Variants in CLNK observed in about 807,000 individuals in gnomAD.
The protein encoded by CLNK is cytokine dependent hematopoietic cell linker.
In CLNK, 74 loss-of-function variants were observed where a neutral mutation model predicts 68.6. The ratio of observed to expected loss-of-function variants is 1.08; its 90% confidence interval spans 0.89 to 1.31. The LOEUF (loss-of-function observed/expected upper bound fraction) is 1.31. CLNK is among the 50% of genes most tolerant of loss of function. CLNK has a pLI of 0.00. For synonymous variants in CLNK, 198 were observed against 172.2 expected (o/e 1.15, Z -1.17); for missense variants, 553 against 515.3 (o/e 1.07, Z -0.71).
chr4:10,684,361 G>A (rs111526083), intron 1 of CLNK, among the ~76,000 whole-genome samples: 19 of 152,266 alleles, frequency 1.2e-4, no homozygotes, highest in African/African-American at 4.1e-4. Context: ...CAGCCATGGG[G>A]CCTGGTCTTT....
chr4:10,543,993 C>T (rs1041422882), intron 8 of CLNK, among the ~76,000 whole-genome samples: 1 of 152,164 alleles, frequency 6.6e-6, no homozygotes, highest in African/African-American at 2.4e-5. Context: ...GCTTAAGGGA[C>T]AAAATTATAA....
At chr4:10,667,399 TA>T (rs1724441651) in intron 2 of CLNK, among the ~76,000 whole-genome samples, 2 of 141,004 alleles carry the variant, frequency 1.4e-5, no homozygotes, top group African/African-American at 5.1e-5. Flanking sequence ...TACTATACTA[TA>T]GACATCAGGG....
At chr4:10,502,247 T>C (rs542685782) in intron 17 of CLNK, among the ~76,000 whole-genome samples, 1 of 152,320 alleles carries the variant, frequency 6.6e-6, no homozygotes, top group South Asian at 2.1e-4. Context: ...AGGAAACTTA[T>C]AATCAGGCGG....
the CLNK span, among the ~76,000 whole-genome samples, chr4:10,692,882 C>T: frequency 6.6e-6 from 1 of 152,186 alleles, no homozygotes; most frequent in Non-Finnish European, 1.5e-5. Context: ...AACAGACTTC[C>T]CAATTTATGC....
chr4:10,494,451 T>G (rs1716720836), intron 18 of CLNK, among the ~76,000 whole-genome samples: 1 of 149,328 alleles, frequency 6.7e-6, no homozygotes, highest in African/African-American at 2.4e-5. Context: ...AGTCACACAG[T>G]ATTTCCTATT....
intron 12 of CLNK, among the ~76,000 whole-genome samples, chr4:10,529,263 G>A (rs1230176849): frequency 6.6e-6 from 1 of 151,960 alleles, no homozygotes; most frequent in Admixed American, 6.6e-5. Flanking sequence ...CTTTTTCTGG[G>A]GAGATAAAGG....
chr4:10,502,971 T>C (rs763114296), intron 17 of CLNK, among the ~76,000 whole-genome samples: 2 of 152,088 alleles, frequency 1.3e-5, no homozygotes, highest in Admixed American at 6.6e-5. Context: ...TAGAAATAAT[T>C]TGTACACTCC....
chr4:10,573,509 C>A (rs1302017212), intron 4 of CLNK, among the ~76,000 whole-genome samples: 1 of 152,116 alleles, frequency 6.6e-6, no homozygotes. Flanking sequence ...CGTTTTCCAG[C>A]CCTTTAGAGC....
intron 4 of CLNK, among the ~76,000 whole-genome samples, chr4:10,575,472 G>T (rs148515424): frequency 5.9e-4 from 90 of 152,344 alleles, no homozygotes; most frequent in African/African-American, 1.8e-3. Context: ...ATTAAAGAGC[G>T]CCTCTCCAGC....
intron 2 of CLNK, among the ~76,000 whole-genome samples, chr4:10,661,382 C>T (rs1360911841): frequency 1.3e-5 from 2 of 152,192 alleles, no homozygotes; most frequent in South Asian, 2.1e-4. Flanking sequence ...CAGTCATTCA[C>T]TCAGGTGATG....
chr4:10,555,520 A>G (rs1490891071), intron 8 of CLNK, among the ~76,000 whole-genome samples: 3 of 152,212 alleles, frequency 2.0e-5, no homozygotes, highest in South Asian at 2.1e-4. Flanking sequence ...ACTTTTACCT[A>G]TTTTTAGGAA....
At chr4:10,665,065 A>C (rs1316988386) in intron 2 of CLNK, among the ~76,000 whole-genome samples, 1 of 152,236 alleles carries the variant, frequency 6.6e-6, no homozygotes, top group Non-Finnish European at 1.5e-5. Context: ...TCTTCAAGGC[A>C]GGTTCCTAAT....
Position 10,490,150 on chromosome 4 carries a change from G to A in CLNK, c.*317C>T, listed in dbSNP as rs981367337. ...GCCCTTTGCTGCTCGCCTGTATCAT[G>A]AGCATAATGGCTATGTTTATAGTAT... is the stretch of plus-strand genomic sequence containing the variant. On this transcript the variant is annotated 3_prime_UTR_variant, in exon 19 of 19. Coordinates refer to ENST00000226951, the MANE Select transcript of CLNK (RefSeq NM_052964.4). The A allele has an allele frequency of 2.9e-5, 7 of 240,718 alleles. No homozygotes were observed. The East Asian group carries it at 3.1e-4, about 11-fold the overall frequency. 14.9% of individuals were successfully genotyped at this position (240,718 alleles called of 1,614,324 possible). A position where few individuals can be genotyped will look rare whatever the true frequency, so the allele number is the denominator to read the frequency against.
Position 10,489,876 on chromosome 4 carries a change from C to T in CLNK, c.*591G>A, listed in dbSNP as rs971645450. 1 of 152,186 alleles carries T rather than the reference C, an allele frequency of 6.6e-6. No individual in the cohort carries two copies. Among genetic ancestry groups the T allele is most frequent in the African/African-American group, 2.4e-5 (1 of 41,366 alleles). 9.4% of individuals were successfully genotyped at this position (152,186 alleles called of 1,614,324 possible). ...AGACATGGGGTTTCACCATGTTAGC[C>T]AGGATGGTCTTGATCTCCTGACCTC... is the stretch of plus-strand genomic sequence containing the variant. On this transcript the variant is annotated 3_prime_UTR_variant, in exon 19 of 19. Transcript: ENST00000226951.
At chr4:10,706,757 C>G in the CLNK span, among the ~76,000 whole-genome samples, 18 of 152,220 alleles carry the variant, frequency 1.2e-4, no homozygotes, top group South Asian at 3.7e-3. Flanking sequence ...AGGCACTGAC[C>G]AGGCCAAGCC....
the CLNK span, among the ~76,000 whole-genome samples, chr4:10,699,512 A>ATATATATATATATTTTTTT: frequency 3.1e-5 from 1 of 32,764 alleles, no homozygotes; most frequent in African/African-American, 1.2e-4. Context: ...ATATATATAT[A>ATATATATATATATTTTTTT]TTTTTTTTTT....
At chr4:10,586,089 G>C (rs1395221833) in intron 3 of CLNK, among the ~76,000 whole-genome samples, 1 of 152,120 alleles carries the variant, frequency 6.6e-6, no homozygotes, top group Non-Finnish European at 1.5e-5. Flanking sequence ...ATCTAATGCT[G>C]CTGCTGCTCC....
chr4:10,652,631 T>G (rs1723790807), intron 2 of CLNK, among the ~76,000 whole-genome samples: 1 of 152,118 alleles, frequency 6.6e-6, no homozygotes. Flanking sequence ...ACATAAAAAT[T>G]AGTTCACCAG....
chr4:10,558,426 G>A lies in CLNK; in HGVS notation c.426C>T (p.Val142=), dbSNP rs775931303. The change falls in exon 8 of 19, where the codon GTC becomes GTT. Residue 142 remains valine (V), a synonymous_variant. Transcript: ENST00000226951. ...CTTTACCTTTAATGTTTTGGCTTCT[G>A]ACGTCCTTGGAAATGGGTTTGTCCA... The part of the protein sequence containing the change: ...ERVDKPISKD[V]RSQNIKGDAS... 1 of 1,613,826 alleles carries A rather than the reference G, an allele frequency of 6.2e-7. No individual in the cohort carries two copies. The highest frequency in any genetic ancestry group is 8.5e-7 in the Non-Finnish European group (1 of 1,179,794).
Sources: gnomAD v4.1 joint callset for allele counts (sites outside exome capture counted in the v4.1 genomes callset) on GRCh38, gnomAD v4.1.1 for gene constraint, MANE v1.5 for transcripts, NCBI Gene and HGNC (gene_info 2026-07-23, HGNC 2026-07-21) for gene names.